Variants in SPINK8 observed in about 807,000 individuals in gnomAD.
The protein encoded by SPINK8 is serine peptidase inhibitor Kazal type 8 (putative), also known as serine protease inhibitor Kazal-type 8.
A neutral mutation model predicts 14.4 loss-of-function variants in SPINK8; 12 were observed. That is an observed-to-expected ratio of 0.83 (90% CI 0.53 to 1.35). The LOEUF is 1.35. Ranked by LOEUF, SPINK8 falls within the 40% of genes most tolerant of loss-of-function variation. SPINK8 has a pLI of 0.00. For synonymous variants in SPINK8, 32 were observed against 37.6 expected (o/e 0.85, Z 0.55); for missense variants, 103 against 117.0 (o/e 0.88, Z 0.55).
intron 2 of SPINK8, among the ~76,000 whole-genome samples, chr3:48,331,475 C>T (rs554689886): frequency 1.3e-5 from 2 of 152,268 alleles, no homozygotes; most frequent in East Asian, 3.9e-4. Flanking sequence ...GGTTTCTGTA[C>T]AGCCAATGAT....
chr3:48,317,575 G>T (rs765930282), intron 6 of SPINK8, among the ~76,000 whole-genome samples: 2 of 151,886 alleles, frequency 1.3e-5, no homozygotes, highest in Non-Finnish European at 2.9e-5. Context: ...GAGTGCAGTG[G>T]CGCGATCTTG....
chr3:48,325,646 G>A (rs1456787830), intron 4 of SPINK8, among the ~76,000 whole-genome samples: 1 of 149,404 alleles, frequency 6.7e-6, no homozygotes, highest in East Asian at 2.0e-4. Flanking sequence ...AAGCTGGAGT[G>A]CAATGGTGCG....
intron 6 of SPINK8, among the ~76,000 whole-genome samples, chr3:48,315,933 G>A (rs990895569): frequency 6.6e-6 from 1 of 152,058 alleles, no homozygotes; most frequent in Non-Finnish European, 1.5e-5. Flanking sequence ...TAAGATTTGA[G>A]CAGACAGAAG....
chr3:48,322,399 G>C (rs578096051), intron 4 of SPINK8, among the ~76,000 whole-genome samples: 5 of 151,462 alleles, frequency 3.3e-5, no homozygotes, highest in Middle Eastern at 3.4e-3. Flanking sequence ...GCAGTGGCGC[G>C]ATCTCAGCTC....
At chr3:48,326,055 C>G (rs1030738674) in intron 4 of SPINK8, among the ~76,000 whole-genome samples, 1 of 151,944 alleles carries the variant, frequency 6.6e-6, no homozygotes, top group Non-Finnish European at 1.5e-5. Flanking sequence ...AGAACCCTGC[C>G]TCTGGGACTC....
intron 7 of SPINK8, among the ~76,000 whole-genome samples, chr3:48,308,535 C>A (rs1025322088): frequency 1.9e-4 from 29 of 152,108 alleles, no homozygotes; most frequent in African/African-American, 7.0e-4. Flanking sequence ...ACAGGGATCT[C>A]CCCTAGAAGA....
chr3:48,325,786 T>C (rs1032622735), intron 4 of SPINK8, among the ~76,000 whole-genome samples: 1 of 151,950 alleles, frequency 6.6e-6, no homozygotes, highest in Admixed American at 6.6e-5. Flanking sequence ...TTAGTAGAGA[T>C]GGGGTTTCTC....
intron 6 of SPINK8, among the ~76,000 whole-genome samples, chr3:48,315,007 C>A (rs942271894): frequency 6.6e-6 from 1 of 152,200 alleles, no homozygotes; most frequent in African/African-American, 2.4e-5. Flanking sequence ...AGAGACATGC[C>A]TCAGTGCACA....
chr3:48,332,658 C>T (rs1235016145), intron 1 of SPINK8, among the ~76,000 whole-genome samples, 187 bp from the exon 2 acceptor site: 9 of 152,202 alleles, frequency 5.9e-5, no homozygotes, highest in Non-Finnish European at 1.2e-4. Context: ...CCTCTGTTGT[C>T]ATCCTATCAT....
At chr3:48,324,125 G>T (rs2036110383) in intron 4 of SPINK8, among the ~76,000 whole-genome samples, 1 of 151,950 alleles carries the variant, frequency 6.6e-6, no homozygotes, top group Non-Finnish European at 1.5e-5. Context: ...ATGAAGATGG[G>T]ATATCTTTAT....
At chr3:48,331,036 A>ATC (rs1188365233) in intron 2 of SPINK8, among the ~76,000 whole-genome samples, 1 of 152,020 alleles carries the variant, frequency 6.6e-6, no homozygotes, top group Non-Finnish European at 1.5e-5. Flanking sequence ...TCCCTGGTAG[A>ATC]TCTTAGTCAG....
At chr3:48,331,435 C>T (rs1013047824) in intron 2 of SPINK8, among the ~76,000 whole-genome samples, 2 of 152,082 alleles carry the variant, frequency 1.3e-5, no homozygotes, top group Admixed American at 6.6e-5. Flanking sequence ...TTTCTGATGA[C>T]TCCTGCAGTG....
chr3:48,310,821 T>C (rs2035916076), intron 6 of SPINK8, among the ~76,000 whole-genome samples: 1 of 152,200 alleles, frequency 6.6e-6, no homozygotes, highest in Non-Finnish European at 1.5e-5. Flanking sequence ...TTAAAAGATT[T>C]AGTACCAATC....
intron 6 of SPINK8, among the ~76,000 whole-genome samples, chr3:48,318,330 G>A (rs1301976223): frequency 2.6e-5 from 4 of 151,996 alleles, no homozygotes; most frequent in Admixed American, 6.6e-5. Flanking sequence ...TAGTAGAGAC[G>A]GGATTTCATC....
chr3:48,309,629 T>A (rs2035897306), intron 7 of SPINK8, among the ~76,000 whole-genome samples: 2 of 152,236 alleles, frequency 1.3e-5, no homozygotes, highest in Non-Finnish European at 2.9e-5. Context: ...AGAGGAACTC[T>A]GAAGTATGTA....
chr3:48,316,932 A>G (rs2036001425), intron 6 of SPINK8, among the ~76,000 whole-genome samples: 1 of 152,266 alleles, frequency 6.6e-6, no homozygotes, highest in Non-Finnish European at 1.5e-5. Flanking sequence ...CCTACAAAAT[A>G]CTAAATAGTC....
At chr3:48,323,950 G>T (rs1184517706) in intron 4 of SPINK8, among the ~76,000 whole-genome samples, 4 of 143,262 alleles carry the variant, frequency 2.8e-5, no homozygotes, top group African/African-American at 2.5e-5. Flanking sequence ...TTTTTTTTGA[G>T]GTCTATTTTG....
At chr3:48,325,591 ATTT>A (rs34299222) in intron 4 of SPINK8, among the ~76,000 whole-genome samples, 5 of 132,022 alleles carry the variant, frequency 3.8e-5, no homozygotes, top group Non-Finnish European at 1.6e-5. Flanking sequence ...TGCCTGGCTA[ATTT>A]TTTTTTTTTT....
At chr3:48,325,964 C>T (rs1270200502) in intron 4 of SPINK8, among the ~76,000 whole-genome samples, 1 of 150,960 alleles carries the variant, frequency 6.6e-6, no homozygotes, top group South Asian at 2.1e-4. Flanking sequence ...GGGTGAGGGC[C>T]ATCAGGGCCC....
Sources: gnomAD v4.1 joint callset for allele counts (sites outside exome capture counted in the v4.1 genomes callset) on GRCh38, gnomAD v4.1.1 for gene constraint, MANE v1.5 for transcripts, NCBI Gene and HGNC (gene_info 2026-07-23, HGNC 2026-07-21) for gene names.